Variants in SCN11A observed in about 807,000 individuals in gnomAD.
SCN11A encodes the protein sodium voltage-gated channel alpha subunit 11.
A neutral mutation model predicts 162.2 loss-of-function variants in SCN11A; 122 were observed. The ratio of observed to expected loss-of-function variants is 0.75; its 90% CI spans 0.65 to 0.87. The LOEUF (loss-of-function observed/expected upper bound fraction) is 0.87, where lower values mean the gene tolerates loss of function less well. SCN11A is among the 40% of genes least tolerant of loss of function. The probability of loss-of-function intolerance (pLI) is 0.00; values close to 1 mark genes in which losing one functional copy is unlikely to be tolerated. For missense variants in SCN11A, 2,015 were observed against 2,181.6 expected (o/e 0.92, Z 1.52); for synonymous variants, 758 against 751.5 (o/e 1.01, Z -0.14).
At chr3:38,853,847 G>A (rs753039673) in intron 28 of SCN11A, among the ~76,000 whole-genome samples, 6 of 152,142 alleles carry the variant, frequency 3.9e-5, no homozygotes, top group Non-Finnish European at 7.4e-5. Flanking sequence ...ACTCTGTTGT[G>A]CCTATTGTAC....
intron 27 of SCN11A, among the ~76,000 whole-genome samples, chr3:38,866,364 G>A (rs1273766307): frequency 1.3e-5 from 2 of 152,052 alleles, no homozygotes; most frequent in African/African-American, 2.4e-5. Context: ...GATTACAGGC[G>A]TGTACCACCA....
intron 16 of SCN11A, among the ~76,000 whole-genome samples, chr3:38,903,348 T>C (rs1559520343): frequency 6.6e-6 from 1 of 152,158 alleles, no homozygotes; most frequent in Non-Finnish European, 1.5e-5. Flanking sequence ...AGAAACATAT[T>C]GAAGCAGGCT....
intron 2 of SCN11A, among the ~76,000 whole-genome samples, chr3:38,965,680 T>G (rs1429449257): frequency 6.6e-6 from 1 of 152,260 alleles, no homozygotes; most frequent in East Asian, 1.9e-4. Flanking sequence ...TTTCTGCTGC[T>G]TCTGTGAAGC....
At chr3:38,982,401 A>G (rs1228977492) in intron 2 of SCN11A, among the ~76,000 whole-genome samples, 3 of 152,192 alleles carry the variant, frequency 2.0e-5, no homozygotes, top group African/African-American at 7.2e-5. Context: ...TTCCTGGCCC[A>G]CTAAGGCATC....
intron 15 of SCN11A, 113 bp downstream of exon 15, chr3:38,905,079 G>T: frequency 7.4e-7 from 1 of 1,342,726 alleles, no homozygotes; most frequent in Non-Finnish European, 1.1e-6. Context: ...TGGTACAGTG[G>T]GTTGGTTCCA....
At chr3:38,923,634 C>G (rs753475868) in intron 9 of SCN11A, among the ~76,000 whole-genome samples, 12 of 152,174 alleles carry the variant, frequency 7.9e-5, no homozygotes, top group Non-Finnish European at 1.8e-4. Context: ...CAGAATCAAA[C>G]CAGTGTCTAC....
chr3:38,909,041 T>G lies in SCN11A; in HGVS notation c.1255A>C (p.Lys419Gln). ...AGCTGCTGGGCTTCCTGAAACATCTTTTCCTTGGCCTCTATCTCTGCAGCT... is the reference window on the plus strand; with the variant it reads ...AGCTGCTGGGCTTCCTGAAACATCTGTTCCTTGGCCTCTATCTCTGCAGCT... Reference protein sequence around the residue: ...NVAAEIEAKEKMFQEAQQLLK... With the variant: ...NVAAEIEAKEQMFQEAQQLLK... The change falls in exon 13 of 30, where the codon AAG becomes CAG. Residue 419 changes from lysine (K) to glutamine (Q), a missense_variant. Transcript: ENST00000302328. The G allele has an allele frequency of 6.2e-7, 1 of 1,613,974 alleles. No homozygotes were observed. Among genetic ancestry groups the G allele is most frequent in the Non-Finnish European group, 8.5e-7 (1 of 1,179,966 alleles).
intron 28 of SCN11A, among the ~76,000 whole-genome samples, chr3:38,857,315 C>T (rs973071808): frequency 1.3e-5 from 2 of 151,890 alleles, no homozygotes; most frequent in African/African-American, 4.8e-5. Flanking sequence ...AGAAAAAATA[C>T]TCACAACTTC....
chr3:39,037,885 AAAC>A (rs1393924862), intron 1 of SCN11A, among the ~76,000 whole-genome samples: 1 of 152,224 alleles, frequency 6.6e-6, no homozygotes, highest in Non-Finnish European at 1.5e-5. Context: ...TAAAAGCTGA[AAAC>A]AATGTAATAG....
intron 3 of SCN11A, among the ~76,000 whole-genome samples, chr3:38,959,351 G>A (rs1315744663): frequency 1.3e-5 from 2 of 152,160 alleles, no homozygotes; most frequent in Non-Finnish European, 1.5e-5. Context: ...TCCATTCCAG[G>A]CCTTATACTC....
chr3:38,999,214 A>G (rs150909573), intron 2 of SCN11A, among the ~76,000 whole-genome samples: 71 of 152,330 alleles, frequency 4.7e-4, no homozygotes, highest in African/African-American at 1.6e-3. Context: ...ACTAAAAATT[A>G]TAATACTACA....
intron 2 of SCN11A, among the ~76,000 whole-genome samples, chr3:38,963,367 A>ATG (rs201714334): frequency 0.059 from 5,173 of 87,332 alleles, 606 homozygotes; most frequent in African/African-American, 0.27. Flanking sequence ...ATATATATAT[A>ATG]TATATATATA....
At chr3:39,010,718 A>G (rs2031107237) in intron 2 of SCN11A, among the ~76,000 whole-genome samples, 1 of 151,514 alleles carries the variant, frequency 6.6e-6, no homozygotes, top group Admixed American at 6.6e-5. Flanking sequence ...TTTTTTCTTG[A>G]CTTTACAATA....
chr3:38,852,784 G>T (rs2064804631), intron 28 of SCN11A, among the ~76,000 whole-genome samples: 1 of 152,206 alleles, frequency 6.6e-6, no homozygotes, highest in East Asian at 1.9e-4. Flanking sequence ...AAAGTTGTGG[G>T]TCAATGGCTA....
intron 23 of SCN11A, among the ~76,000 whole-genome samples, chr3:38,874,687 G>A (rs1294515669): frequency 1.3e-5 from 2 of 152,068 alleles, no homozygotes; most frequent in Non-Finnish European, 2.9e-5. Context: ...TTCATCATAC[G>A]TTTATTCCTT....
chr3:38,869,670 A>C (rs977439875), intron 26 of SCN11A, among the ~76,000 whole-genome samples: 5 of 152,160 alleles, frequency 3.3e-5, no homozygotes, highest in African/African-American at 1.2e-4. Flanking sequence ...ACACTAATCA[A>C]ACCACTTCTA....
In SCN11A at chr3:38,964,556, G is replaced by A. The variant is rs746486328; in HGVS notation, c.-279-4133C>T. On this transcript the variant is annotated intron_variant, in intron 2 of 29. Transcript: ENST00000302328. The stretch of plus-strand genomic sequence containing the variant: ...CACAGAATGGGACAGGGAGCAACTC[G>A]TTCTGGTATGGCTTCCGAGAAGAGG... Among the ~76,000 whole-genome samples the A allele has an allele frequency of 4.7e-4, 71 of 152,200 alleles. 3 individuals carry two copies. Among genetic ancestry groups the A allele is most frequent in the Non-Finnish European group, 4.4e-4 (30 of 68,036 alleles).
Position 38,950,080 on chromosome 3 carries a change from C to CCCCCCCCCCCCCA in SCN11A, c.267+15_267+16insTGGGGGGGGGGGG. ...ACACCCCCACCCCCACCCCCCCCCC[C>CCCCCCCCCCCCCA]CGCCCAATGAAGTACCTTATGATTT... On this transcript the variant is annotated intron_variant, in intron 5 of 29. Transcript: ENST00000302328. 1 of 199,888 alleles carries CCCCCCCCCCCCCA rather than the reference C, an allele frequency of 5.0e-6. No individual in the cohort carries two copies. Among genetic ancestry groups the CCCCCCCCCCCCCA allele is most frequent in the Non-Finnish European group, 1.1e-5 (1 of 91,914 alleles). 12.4% of individuals were successfully genotyped at this position (199,888 alleles called of 1,614,324 possible).
chr3:38,858,255 T>A (rs943199190), intron 28 of SCN11A, among the ~76,000 whole-genome samples: 3 of 152,012 alleles, frequency 2.0e-5, no homozygotes. Context: ...AAACCAAGCA[T>A]CTACTGTCTT....
Sources: allele counts gnomAD v4.1 joint callset (sites outside exome capture counted in the v4.1 genomes callset), GRCh38; gene constraint gnomAD v4.1.1; transcripts MANE v1.5; gene names NCBI Gene and HGNC (gene_info 2026-07-23, HGNC 2026-07-21).